Variants in TRIOBP observed in about 807,000 individuals in gnomAD.
TRIOBP encodes the protein TRIO and F-actin binding protein.
In TRIOBP, 169 loss-of-function variants were observed where a neutral mutation model predicts 238.8. The observed-to-expected ratio is 0.71, with a 90% CI of 0.62 to 0.80. The LOEUF (loss-of-function observed/expected upper bound fraction) is 0.80, where lower values mean the gene tolerates loss of function less well. Ranked by LOEUF, TRIOBP falls within the 30% of genes least tolerant of loss-of-function variation. The probability of loss-of-function intolerance (pLI) is 0.00; values close to 1 mark genes in which losing one functional copy is unlikely to be tolerated. For synonymous variants in TRIOBP, 1,150 were observed against 1,274.4 expected, an observed-to-expected ratio of 0.90 and a Z score of 2.08; for missense variants, 2,838 against 3,122.6, an observed-to-expected ratio of 0.91 and a Z score of 2.17.
intron 9 of TRIOBP, among the ~76,000 whole-genome samples, chr22:37,735,914 G>C (rs1167841879): frequency 6.6e-6 from 1 of 152,204 alleles, no homozygotes; most frequent in East Asian, 1.9e-4. Flanking sequence ...GACCCCACCT[G>C]GGACTGTAGC....
chr22:37,698,416 G>A lies in TRIOBP; in HGVS notation c.-61+720G>A, dbSNP rs556460617. Reference sequence around the variant, plus strand: ...TGCCCAGGCTGGAGTGCAGCGGGGCGATCTTAGCTCCACTGCAACCTCCAC... The same window carrying A: ...TGCCCAGGCTGGAGTGCAGCGGGGCAATCTTAGCTCCACTGCAACCTCCAC... On this transcript the variant is annotated intron_variant, in intron 2 of 23. Transcript: ENST00000644935. Among the ~76,000 whole-genome samples, 4 of 141,506 alleles carry A rather than the reference G, an allele frequency of 2.8e-5. No individual in the cohort carries two copies. The South Asian group carries it at 9.6e-4, about 34-fold the overall frequency. 92.8% of individuals were successfully genotyped at this position (141,506 alleles called of 152,430 possible).
intron 3 of TRIOBP, among the ~76,000 whole-genome samples, chr22:37,705,289 C>G (rs1922875849): frequency 6.8e-6 from 1 of 147,726 alleles, no homozygotes; most frequent in South Asian, 2.2e-4. Flanking sequence ...GCAGGAGAAT[C>G]TCTTGAACCC....
rs912432537 is a variant in TRIOBP, at chr22:37,711,471, C to T, written c.254+905C>T. Among the ~76,000 whole-genome samples the T allele has an allele frequency of 6.0e-5, 9 of 151,142 alleles. No homozygotes were observed. In the South Asian group the frequency reaches 6.3e-4, roughly 11 times the overall value. ...GCAGGTGCCTGTAATCCCAGCTGCT[C>T]GGGAGGCTGAGGCAGGAGAACCACT... On this transcript the variant is annotated intron_variant, in intron 4 of 23. Coordinates refer to ENST00000644935, the MANE Select transcript of TRIOBP (RefSeq NM_001039141.3).
chr22:37,769,043 A>G lies in TRIOBP; in HGVS notation c.6591A>G (p.Ala2197=), dbSNP rs1362587264. The part of the protein sequence containing the change: ...LRKQHQSDVE[A]LKRELQVLSE... ...TCTGGGGCAGGTCAGATGTGGAGGCACTGAAGCGAGAGCTGCAGGTGCTAT... is the reference window on the plus strand; with the variant it reads ...TCTGGGGCAGGTCAGATGTGGAGGCGCTGAAGCGAGAGCTGCAGGTGCTAT... The change falls in exon 20 of 24, where the codon GCA becomes GCG. Residue 2197 remains alanine (A), a synonymous_variant. Transcript: ENST00000644935. 1 of 1,613,438 alleles carries G rather than the reference A, an allele frequency of 6.2e-7. No individual in the cohort carries two copies.
In TRIOBP at chr22:37,776,397, G is replaced by A. The variant is rs1330389516; in HGVS notation, c.*2617G>A. 2 of 152,134 alleles carry A rather than the reference G, an allele frequency of 1.3e-5. No homozygotes were observed. Among genetic ancestry groups the A allele is most frequent in the African/African-American group, 2.4e-5 (1 of 41,400 alleles). 9.4% of individuals were successfully genotyped at this position (152,134 alleles called of 1,614,324 possible). A position where few individuals can be genotyped will look rare whatever the true frequency, so the allele number is the denominator to read the frequency against. On this transcript the variant is annotated 3_prime_UTR_variant, in exon 24 of 24. Transcript: ENST00000644935. ...ACCAGCTTCTCATCAAGTTAAATAC[G>A]CATCTACCCTATGGCCTAGCATTTC...
chr22:37,768,885 G>C lies in TRIOBP; in HGVS notation c.6576-143G>C. ...CCTGTAGCCCAGAGAAGCTGTCACTGGTTCACAGCCCCACAGCAGGCTAAA... is the reference window on the plus strand; with the variant it reads ...CCTGTAGCCCAGAGAAGCTGTCACTCGTTCACAGCCCCACAGCAGGCTAAA... On this transcript the variant is annotated intron_variant, in intron 19 of 23. Transcript: ENST00000644935. The C allele has an allele frequency of 3.6e-6, 4 of 1,124,820 alleles. No homozygotes were observed. The South Asian group carries it at 5.1e-5, about 14-fold the overall frequency. 69.7% of individuals were successfully genotyped at this position (1,124,820 alleles called of 1,614,324 possible). A position where few individuals can be genotyped will look rare whatever the true frequency, so the allele number is the denominator to read the frequency against.
Position 37,726,470 on chromosome 22 carries a change from C to A in TRIOBP, c.3914C>A (p.Ala1305Glu). 6.5e-7 allele frequency: 1 copy of A among 1,549,140 alleles called. No individual in the cohort carries two copies. Among genetic ancestry groups the A allele is most frequent in the African/African-American group, 1.4e-5 (1 of 73,990 alleles). ...SGGRTHSPGRAEVERLFGQER... is the reference protein window; with the variant it reads ...SGGRTHSPGREEVERLFGQER... ...GGCCGCACCCACAGCCCTGGCCGTG[C>A]AGAGGTGGAGCGCCTCTTCGGGCAA... The change falls in exon 7 of 24, where the codon GCA becomes GAA. Residue 1305 changes from alanine (A) to glutamate (E), a missense_variant. This residue lies in a region of TRIOBP where 2,096 missense variants were observed against 2,137.4 expected (regional missense o/e 0.98). Transcript: ENST00000644935.
At chr22:37,719,989 C>CACACTGCACTCACTGTTTCACT (rs367687004) in intron 6 of TRIOBP, among the ~76,000 whole-genome samples, 105 of 71,234 alleles carry the variant, frequency 1.5e-3, no homozygotes, top group East Asian at 2.5e-3. Flanking sequence ...TTTCACTCAT[C>CACACTGCACTCACTGTTTCACT]CCCCCCCGCC....
In TRIOBP at chr22:37,723,839, C is replaced by G. The variant is rs372134073; in HGVS notation, c.1283C>G (p.Pro428Arg). Residue 428 changes from proline (P) to arginine (R), a missense_variant, in exon 7 of 24, where the codon CCC becomes CGC. Coordinates refer to ENST00000644935, the MANE Select transcript of TRIOBP (RefSeq NM_001039141.3). Reference sequence around the variant, plus strand: ...CCCAATAGAGCCACACGAGACAACCCCAGAACATCCTGCGCCCAGCGGGAC... The same window carrying G: ...CCCAATAGAGCCACACGAGACAACCGCAGAACATCCTGCGCCCAGCGGGAC... ...SSPNRATRDN[P>R]RTSCAQRDNP... 181 of 1,597,144 alleles carry G rather than the reference C, an allele frequency of 1.1e-4. 6 individuals are homozygous for G. Among genetic ancestry groups the G allele is most frequent in the East Asian group, 1.1e-3 (48 of 44,628 alleles).
At chr22:37,755,449 A>G (rs533084826) in intron 14 of TRIOBP, 101 bp from the exon 15 acceptor site, 3 of 1,109,570 alleles carry the variant, frequency 2.7e-6, no homozygotes, top group South Asian at 1.3e-5. Flanking sequence ...AAGACCTTAG[A>G]TGCATCCTGG....
At chr22:37,742,617 G>A (rs1044664487) in intron 11 of TRIOBP, among the ~76,000 whole-genome samples, 5 of 152,260 alleles carry the variant, frequency 3.3e-5, no homozygotes, top group African/African-American at 1.2e-4. Context: ...GAGCAGGCAA[G>A]CATGGTTATC....
rs762160016 is a variant in TRIOBP, at chr22:37,726,224, C to T, written c.3668C>T (p.Ala1223Val). 2.5e-6 allele frequency: 4 copies of T among 1,603,518 alleles called. No homozygotes were observed. In the South Asian group the frequency reaches 3.3e-5, roughly 13 times the overall value. ...IPQVCIGHRDAPRASSPPRHP... is the reference protein window; with the variant it reads ...IPQVCIGHRDVPRASSPPRHP... ...CAAGTGTGCATCGGGCACCGGGATG[C>T]ACCCCGAGCCTCCTCCCCACCCCGC... The change falls in exon 7 of 24, where the codon GCA becomes GTA. Residue 1223 changes from alanine to valine, a missense_variant. Ala to Val is a moderately conservative substitution (Grantham distance 64). Coordinates refer to ENST00000644935, the MANE Select transcript of TRIOBP (RefSeq NM_001039141.3).
chr22:37,698,156 C>T (rs1157646461), intron 2 of TRIOBP, among the ~76,000 whole-genome samples: 3 of 141,722 alleles, frequency 2.1e-5, no homozygotes, highest in African/African-American at 2.6e-5. Flanking sequence ...GCCGAGATCG[C>T]GCCACTGCAC....
intron 3 of TRIOBP, among the ~76,000 whole-genome samples, chr22:37,708,960 G>A (rs927216279): frequency 1.3e-5 from 2 of 152,174 alleles, no homozygotes; most frequent in Non-Finnish European, 2.9e-5. Context: ...TGGGCCTGGC[G>A]GGGCAGAGAC....
chr22:37,747,438 C>A (rs1170358907), intron 11 of TRIOBP, among the ~76,000 whole-genome samples: 3 of 152,004 alleles, frequency 2.0e-5, no homozygotes, highest in Non-Finnish European at 4.4e-5. Context: ...GGAGTGGAGA[C>A]CCTGCGGAGG....
rs200528850 is a variant in TRIOBP at position 37,768,116 on chromosome 22, G to T, written c.6515G>T (p.Arg2172Leu). The change falls in exon 19 of 24, where the codon CGA becomes CTA. Residue 2172 changes from arginine (R) to leucine (L), a missense_variant. Arg to Leu is a moderately radical substitution (Grantham distance 102). Transcript: ENST00000644935. ...MKKAYQEELS[R>L]ELSKTRSLQQ... ...AAGGCCTACCAGGAAGAGCTGAGCC[G>T]AGAGCTGAGCAAAACACGGAGTCTC... The T allele has an allele frequency of 6.2e-7, 1 of 1,613,438 alleles. No homozygotes were observed.
intron 11 of TRIOBP, among the ~76,000 whole-genome samples, chr22:37,741,637 C>A (rs537542179): frequency 4.6e-5 from 7 of 152,218 alleles, no homozygotes; most frequent in African/African-American, 1.4e-4. Context: ...CTCTTACTCA[C>A]CGCTGTTGGC....
At chr22:37,746,499 C>T (rs956707908) in intron 11 of TRIOBP, 1 of 1,213,942 alleles carries the variant, frequency 8.2e-7, no homozygotes, top group Non-Finnish European at 1.1e-6. Context: ...CCTCTCCCCT[C>T]CGGGGCAGCC....
chr22:37,716,804 T>G (rs771901552), intron 6 of TRIOBP, among the ~76,000 whole-genome samples: 15 of 152,204 alleles, frequency 9.9e-5, no homozygotes, highest in Non-Finnish European at 2.1e-4. Context: ...AGATCAAAGA[T>G]GCAAAGGATG....
Sources: allele counts gnomAD v4.1 joint callset (sites outside exome capture counted in the v4.1 genomes callset), GRCh38; gene constraint gnomAD v4.1.1; regional missense constraint gnomAD v4.1.1; transcripts MANE v1.5; gene names NCBI Gene and HGNC (gene_info 2026-07-23, HGNC 2026-07-21).